CNOT9: variants seen among roughly 807,000 people sequenced by gnomAD.
CNOT9 encodes RCD1 required for cell differentiation1 homolog.
CNOT9 carries 8 observed loss-of-function variants against 37.4 expected under a neutral mutation model. The observed-to-expected ratio is 0.21, with a 90% CI of 0.13 to 0.39. The LOEUF (loss-of-function observed/expected upper bound fraction) is 0.39. Among genes scored for constraint, CNOT9 ranks in the 10% least tolerant of loss-of-function variants. The pLI, the probability that CNOT9 is intolerant of heterozygous loss-of-function variation, is 1.00. For missense variants in CNOT9, 154 were observed against 365.3 expected (o/e 0.42, Z 4.71); for synonymous variants, 120 against 137.6 (o/e 0.87, Z 0.90).
At chr2:218,593,917 T>C (rs892978478) in intron 7 of CNOT9, 191 bp from the exon 8 acceptor site, 1 of 1,003,118 alleles carries the variant, frequency 1.0e-6, no homozygotes, top group Non-Finnish European at 1.4e-6. Flanking sequence ...CAGAAAATAT[T>C]TGTGGATACA....
At chr2:218,569,370 C>G (rs907120371) in intron 1 of CNOT9, among the ~76,000 whole-genome samples, 5 of 152,146 alleles carry the variant, frequency 3.3e-5, no homozygotes, top group Non-Finnish European at 7.3e-5. Flanking sequence ...CACGTCGCAG[C>G]GGGAAGGAAA....
intron 1 of CNOT9, among the ~76,000 whole-genome samples, chr2:218,571,772 A>T (rs1047806573): frequency 3.8e-5 from 5 of 131,126 alleles, no homozygotes; most frequent in Non-Finnish European, 7.9e-5. Context: ...TTTAGTAGAG[A>T]TGGGGTTTCT....
chr2:218,584,338 T>A (rs1288015058), intron 3 of CNOT9, among the ~76,000 whole-genome samples: 5 of 152,194 alleles, frequency 3.3e-5, no homozygotes, highest in Non-Finnish European at 7.3e-5. Flanking sequence ...ATGGCATCTC[T>A]GGCCTCTTCC....
Position 218,595,607 on chromosome 2 carries a change from A to G in CNOT9, c.*1331A>G, listed in dbSNP as rs1191040810. 2 of 151,644 alleles carry G rather than the reference A, an allele frequency of 1.3e-5. No homozygotes were observed. Among genetic ancestry groups the G allele is most frequent in the African/African-American group, 4.8e-5 (2 of 41,282 alleles). 9.4% of individuals were successfully genotyped at this position (151,644 alleles called of 1,614,324 possible). On this transcript the variant is annotated 3_prime_UTR_variant, in exon 8 of 8. Coordinates refer to ENST00000273064, the MANE Select transcript of CNOT9 (RefSeq NM_005444.3). ...GCTTTCCCCGGTTCTTTCCCCTGCTAGCACCTGCTTTCTCATCCCTATCTC... is the reference window on the plus strand; with the variant it reads ...GCTTTCCCCGGTTCTTTCCCCTGCTGGCACCTGCTTTCTCATCCCTATCTC...
chr2:218,590,261 G>GT (rs1694729535), intron 5 of CNOT9, among the ~76,000 whole-genome samples: 1 of 152,164 alleles, frequency 6.6e-6, no homozygotes, highest in African/African-American at 2.4e-5. Context: ...TAGAGATGGA[G>GT]TTTCGCCATG....
chr2:218,593,615 T>C, intron 7 of CNOT9: 1 of 1,446,500 alleles, frequency 6.9e-7, no homozygotes, highest in Non-Finnish European at 9.1e-7. Flanking sequence ...ACCATAGTTT[T>C]GTTTTCACTG....
intron 4 of CNOT9, among the ~76,000 whole-genome samples, chr2:218,585,824 G>A (rs2106092631): frequency 6.6e-6 from 1 of 151,590 alleles, no homozygotes; most frequent in East Asian, 1.9e-4. Flanking sequence ...TTTTTTTGTA[G>A]ACACAAGGTC....
chr2:218,584,755 TACTC>T lies in CNOT9; in HGVS notation c.430+37_430+40del, dbSNP rs558606112. ...TTAGAATTGTTTTGCAAGCCTGAAA[TACTC>T]ACAGTAGTAGTCTAAGTTGGGTGTT... is the stretch of plus-strand genomic sequence containing the variant. On this transcript the variant is annotated intron_variant, in intron 4 of 7. Transcript: ENST00000273064. The T allele has an allele frequency of 5.7e-4, 799 of 1,412,056 alleles. 4 individuals carry two copies. The African/African-American group carries it at 0.01, about 18-fold the overall frequency. 87.5% of individuals were successfully genotyped at this position (1,412,056 alleles called of 1,614,324 possible).
chr2:218,592,838 A>G lies in CNOT9; in HGVS notation c.731+131A>G, dbSNP rs2106100247. 1.4e-6 allele frequency: 1 copy of G among 699,340 alleles called. No individual in the cohort carries two copies. Among genetic ancestry groups the G allele is most frequent in the East Asian group, 2.6e-5 (1 of 38,556 alleles). The allele number at this position is 699,340 out of a possible 1,614,324, so 43.3% of individuals were successfully genotyped here. On this transcript the variant is annotated intron_variant, in intron 7 of 7. Coordinates refer to ENST00000273064, the MANE Select transcript of CNOT9 (RefSeq NM_005444.3). This position sits in a 1 kb window ranked among gnomAD's most constrained non-coding sequence, Gnocchi z 4.1. ...TAACTGCATTTAGTTTGTCTGAGAC[A>G]GAACTTAGATTCTTTTAAAAATCTG...
Position 218,568,918 on chromosome 2 carries a change from C to T in CNOT9, c.-37C>T. On this transcript the variant is annotated 5_prime_UTR_variant, in exon 1 of 8. Transcript: ENST00000273064. ...CTGAAGGGGGGACGCGGGTCGGACGCGTCCGGCTGTGGAAGAGAGCGGCGG... is the reference window on the plus strand; with the variant it reads ...CTGAAGGGGGGACGCGGGTCGGACGTGTCCGGCTGTGGAAGAGAGCGGCGG... 6.2e-7 allele frequency: 1 copy of T among 1,601,178 alleles called. No homozygotes were observed. Among genetic ancestry groups the T allele is most frequent in the African/African-American group, 1.3e-5 (1 of 74,684 alleles).
At chr2:218,573,231 T>C (rs1694058948) in intron 1 of CNOT9, among the ~76,000 whole-genome samples, 1 of 150,496 alleles carries the variant, frequency 6.6e-6, no homozygotes, top group Non-Finnish European at 1.5e-5. Context: ...GGCAGGACAA[T>C]CGCTTGAACC....
At position 218,592,420 on chromosome 2, in the gene CNOT9, T is replaced by G. The variant is rs1694809428; in HGVS notation, c.639+18T>G. The G allele has an allele frequency of 6.3e-7, 1 of 1,591,846 alleles. No individual in the cohort carries two copies. Among genetic ancestry groups the G allele is most frequent in the Admixed American group, 1.7e-5 (1 of 59,964 alleles). ...TGATCTTGGTGAGTTCTTTCATCTA[T>G]CCCCTTTACAACTACTTCTCATCAC... On this transcript the variant is annotated intron_variant, in intron 6 of 7. Coordinates refer to ENST00000273064, the MANE Select transcript of CNOT9 (RefSeq NM_005444.3). This position sits in a 1 kb window ranked among gnomAD's most constrained non-coding sequence, Gnocchi z 4.1.
At position 218,581,169 on chromosome 2, in the gene CNOT9, T is replaced by TC. The variant is rs750463359; in HGVS notation, c.204+430dup. 228 of 292,564 alleles carry TC rather than the reference T, an allele frequency of 7.8e-4. 1 individual carries two copies. Among genetic ancestry groups the TC allele is most frequent in the Non-Finnish European group, 1.1e-3 (155 of 143,674 alleles). 18.1% of individuals were successfully genotyped at this position (292,564 alleles called of 1,614,324 possible). A position where few individuals can be genotyped will look rare whatever the true frequency, so the allele number is the denominator to read the frequency against. On this transcript the variant is annotated intron_variant, in intron 2 of 7. Transcript: ENST00000273064. ...GTTTTTGGGTTTTTTTGTTTGTTTTTCTTTTTTTTTTTTTTTTGAGACGGA... is the reference window on the plus strand; with the variant it reads ...GTTTTTGGGTTTTTTTGTTTGTTTTTCCTTTTTTTTTTTTTTTTGAGACGGA...
intron 2 of CNOT9, among the ~76,000 whole-genome samples, chr2:218,582,246 G>C (rs1432547731): frequency 6.6e-6 from 1 of 152,108 alleles, no homozygotes; most frequent in African/African-American, 2.4e-5. Flanking sequence ...AGTCACCGTG[G>C]TTGACTTAAC....
Position 218,575,920 on chromosome 2 carries a change from A to C in CNOT9, c.25-4641A>C, listed in dbSNP as rs74868899. Among the ~76,000 whole-genome samples the C allele has an allele frequency of 1.5e-3, 226 of 152,290 alleles. 3 individuals are homozygous for C. In the East Asian group the frequency reaches 0.041, roughly 28 times the overall value. ...GTATTAGTAAATTAAAAATTCAAAGAGTTGTAGCATCTGAACTAGGAATCA... is the reference window on the plus strand; with the variant it reads ...GTATTAGTAAATTAAAAATTCAAAGCGTTGTAGCATCTGAACTAGGAATCA... On this transcript the variant is annotated intron_variant, in intron 1 of 7. Transcript: ENST00000273064.
In CNOT9 at chr2:218,580,616, A is replaced by G; in HGVS notation, c.80A>G (p.Asn27Ser). Residue 27 changes from asparagine (N) to serine (S), a missense_variant, in exon 2 of 8, where the codon AAT (asparagine) becomes AGT (serine). Physicochemically the swap from Asn to Ser is conservative, Grantham distance 46. Transcript: ENST00000273064. ...AGAGAAAAGATCTATCAGTGGATCA[A>G]TGAGCTGTCCAGTCCTGAGACTAGG... ...VDREKIYQWINELSSPETREN... is the reference protein window; with the variant it reads ...VDREKIYQWISELSSPETREN... The G allele has an allele frequency of 2.5e-6, 4 of 1,614,004 alleles. No individual in the cohort carries two copies. Among genetic ancestry groups the G allele is most frequent in the Non-Finnish European group, 3.4e-6 (4 of 1,179,896 alleles).
chr2:218,572,917 T>C (rs1195405074), intron 1 of CNOT9, among the ~76,000 whole-genome samples: 1 of 152,204 alleles, frequency 6.6e-6, no homozygotes, highest in African/African-American at 2.4e-5. Context: ...CACTGCACTC[T>C]AAAGGATTTA....
At chr2:218,579,747 A>G (rs914740739) in intron 1 of CNOT9, among the ~76,000 whole-genome samples, 1 of 152,050 alleles carries the variant, frequency 6.6e-6, no homozygotes, top group Non-Finnish European at 1.5e-5. Context: ...TTGGCCTCCC[A>G]AAGTGCTGGG....
rs1453955656 is a variant in CNOT9, at chr2:218,594,330, C to T, written c.*54C>T. 2.6e-6 allele frequency: 4 copies of T among 1,534,218 alleles called. No homozygotes were observed. The highest frequency in any genetic ancestry group is 2.6e-6 in the Non-Finnish European group (3 of 1,133,382). Reference sequence around the variant, plus strand: ...CCAAGTTGGGGAAAGGAGGGGGAACCTACGAGAAAAACAGCTCAGGTTTTA... The same window carrying T: ...CCAAGTTGGGGAAAGGAGGGGGAACTTACGAGAAAAACAGCTCAGGTTTTA... On this transcript the variant is annotated 3_prime_UTR_variant, in exon 8 of 8. Coordinates refer to ENST00000273064, the MANE Select transcript of CNOT9 (RefSeq NM_005444.3).
Sources: allele counts gnomAD v4.1 joint callset (sites outside exome capture counted in the v4.1 genomes callset), GRCh38; gene constraint gnomAD v4.1.1; non-coding constraint Gnocchi (gnomAD v3.1); transcripts MANE v1.5; gene names NCBI Gene and HGNC (gene_info 2026-07-23, HGNC 2026-07-21).